Variants in SYT10 observed in about 807,000 individuals in gnomAD.
SYT10 encodes synaptotagmin-10.
In SYT10, 31 loss-of-function variants were observed where a neutral mutation model predicts 51.1. The observed-to-expected ratio is 0.61, with a 90% CI of 0.46 to 0.82. The LOEUF (loss-of-function observed/expected upper bound fraction) is 0.82. Among genes scored for constraint, SYT10 ranks in the 40% least tolerant of loss-of-function variants. The pLI, the probability that SYT10 is intolerant of heterozygous loss-of-function variation, is 0.00. For missense variants in SYT10, 603 were observed against 634.0 expected, an observed-to-expected ratio of 0.95 and a Z score of 0.53; for synonymous variants, 233 against 225.9, an observed-to-expected ratio of 1.03 and a Z score of -0.28.
intron 2 of SYT10, 76 bp downstream of exon 2, chr12:33,426,062 T>A: frequency 2.5e-6 from 3 of 1,205,156 alleles, no homozygotes; most frequent in Non-Finnish European, 3.4e-6. Flanking sequence ...TTATGAAATT[T>A]CACACACACA....
At chr12:33,423,778 C>T in intron 2 of SYT10, 1 of 357,546 alleles carries the variant, frequency 2.8e-6, no homozygotes. Flanking sequence ...GGCGTTTATG[C>T]TTAATATGTG....
chr12:33,391,849 G>C (rs1160412481), intron 3 of SYT10, among the ~76,000 whole-genome samples: 2 of 152,104 alleles, frequency 1.3e-5, no homozygotes, highest in African/African-American at 2.4e-5. Context: ...AAATAATAAG[G>C]TATCAGGCCA....
At chr12:33,405,270 T>C (rs925234735) in intron 3 of SYT10, 1 of 152,162 alleles carries the variant, frequency 6.6e-6, no homozygotes, top group African/African-American at 2.4e-5. Flanking sequence ...TCTGCATTTG[T>C]AGAATTCTAG....
Position 33,407,219 on chromosome 12 carries a change from T to A in SYT10, c.647A>T (p.Gln216Leu). ...GTTGCCCTCAGAGTCAACTGATTTC[T>A]GTTTGTAGAGTTCTGGCTTTATCCT... ...IGRIKPELYK[Q>L]KSVDSEGNQN... is the part of the protein sequence containing the mutation. The change falls in exon 3 of 7, where the codon CAG becomes CTG. Residue 216 changes from glutamine (Q) to leucine (L), a missense_variant. Physicochemically the swap from Gln to Leu is moderately radical, Grantham distance 113. Transcript: ENST00000228567. 6.2e-7 allele frequency: 1 copy of A among 1,614,226 alleles called. No homozygotes were observed. The highest frequency in any genetic ancestry group is 8.5e-7 in the Non-Finnish European group (1 of 1,180,040).
chr12:33,406,732 G>T, intron 3 of SYT10, 57 bp downstream of exon 3: 1 of 1,392,790 alleles, frequency 7.2e-7, no homozygotes, highest in East Asian at 2.3e-5. Context: ...GTAATAATTA[G>T]TCACATAGCA....
intron 1 of SYT10, 89 bp downstream of exon 1, chr12:33,439,283 G>A: frequency 6.8e-7 from 1 of 1,478,754 alleles, no homozygotes; most frequent in Non-Finnish European, 9.0e-7. Flanking sequence ...CGCGGGAGCG[G>A]CGCGGGAGGC....
rs1443775807 is a variant in SYT10, at chr12:33,385,308, CA to C, written c.1078-18del. The stretch of plus-strand genomic sequence containing the variant: ...TATACTTTCCTAGAAAGGCAATCGG[CA>C]TGTTAGCAATTTCAAACATTGAAGG... On this transcript the variant is annotated intron_variant, in intron 3 of 6. Transcript: ENST00000228567. The C allele has an allele frequency of 6.2e-7, 1 of 1,611,174 alleles. No homozygotes were observed. Among genetic ancestry groups the C allele is most frequent in the African/African-American group, 1.3e-5 (1 of 74,934 alleles).
intron 2 of SYT10, among the ~76,000 whole-genome samples, chr12:33,410,598 G>A (rs923667852): frequency 2.0e-5 from 3 of 152,166 alleles, no homozygotes; most frequent in African/African-American, 7.2e-5. Context: ...GGTGTCACAG[G>A]TGAAAGTAAA....
intron 1 of SYT10, among the ~76,000 whole-genome samples, chr12:33,429,192 T>G (rs1475894083): frequency 6.6e-6 from 1 of 152,154 alleles, no homozygotes; most frequent in Non-Finnish European, 1.5e-5. Flanking sequence ...GATCAAAGAA[T>G]TGGATTGCTT....
intron 3 of SYT10, 149 bp from the exon 4 acceptor site, chr12:33,385,440 G>A: frequency 1.7e-6 from 2 of 1,177,556 alleles, no homozygotes; most frequent in Admixed American, 2.9e-5. Flanking sequence ...TCTGAATGCA[G>A]TAAGCAAAAA....
At chr12:33,380,007 TA>T (rs1866100491) in intron 5 of SYT10, 46 bp from the exon 6 acceptor site, 1 of 1,539,920 alleles carries the variant, frequency 6.5e-7, no homozygotes, top group Non-Finnish European at 8.8e-7. Flanking sequence ...CATTCAAAGA[TA>T]AAGGGGGTTT....
chr12:33,406,564 T>C (rs1420209956), intron 3 of SYT10, among the ~76,000 whole-genome samples: 2 of 152,186 alleles, frequency 1.3e-5, no homozygotes, highest in Admixed American at 6.5e-5. Flanking sequence ...GTTCTGCTAA[T>C]TTATAAGAGC....
chr12:33,396,517 T>C (rs1251490996), intron 3 of SYT10, among the ~76,000 whole-genome samples: 1 of 152,178 alleles, frequency 6.6e-6, no homozygotes, highest in Non-Finnish European at 1.5e-5. Context: ...ATATTTTAAA[T>C]TTCTAAGGTA....
At chr12:33,385,906 T>C (rs1406504499) in intron 3 of SYT10, among the ~76,000 whole-genome samples, 3 of 152,218 alleles carry the variant, frequency 2.0e-5, no homozygotes, top group African/African-American at 4.8e-5. Context: ...ACAACTGTAG[T>C]GGAATAAAAT....
chr12:33,391,166 A>G (rs1320337694), intron 3 of SYT10, among the ~76,000 whole-genome samples: 1 of 152,160 alleles, frequency 6.6e-6, no homozygotes, highest in African/African-American at 2.4e-5. Context: ...TGAACTCCTG[A>G]CTTCAGGTGA....
intron 3 of SYT10, among the ~76,000 whole-genome samples, chr12:33,390,929 TTTG>T (rs143306926): frequency 1.6e-4 from 25 of 152,090 alleles, no homozygotes; most frequent in Admixed American, 4.6e-4. Context: ...TACGTTTTTT[TTTG>T]TTGTTGTTGT....
At chr12:33,431,661 G>A (rs951866666) in intron 1 of SYT10, among the ~76,000 whole-genome samples, 2 of 152,110 alleles carry the variant, frequency 1.3e-5, no homozygotes, top group African/African-American at 4.8e-5. Flanking sequence ...TAACAGCTAA[G>A]CAGTAATTGT....
At chr12:33,394,997 A>T (rs1866242493) in intron 3 of SYT10, among the ~76,000 whole-genome samples, 1 of 152,218 alleles carries the variant, frequency 6.6e-6, no homozygotes, top group Non-Finnish European at 1.5e-5. Context: ...CTGAGGCAGG[A>T]GAACGGCGTG....
chr12:33,399,920 GGCCAGGTTTATC>G (rs1360444075), intron 3 of SYT10, among the ~76,000 whole-genome samples: 5 of 152,114 alleles, frequency 3.3e-5, no homozygotes, highest in African/African-American at 1.2e-4. Context: ...GACACACCAA[GGCCAGGTTTATC>G]GCAGAGATGA....
Sources: allele counts gnomAD v4.1 joint callset (sites outside exome capture counted in the v4.1 genomes callset), GRCh38; gene constraint gnomAD v4.1.1; transcripts MANE v1.5; gene names NCBI Gene and HGNC (gene_info 2026-07-23, HGNC 2026-07-21).